The following ZHX2 variants were observed in gnomAD, a reference collection of about 807,000 sequenced individuals.
The protein encoded by ZHX2 is zinc fingers and homeoboxes 2, also known as zinc fingers and homeoboxes protein 2.
In ZHX2, 6 loss-of-function variants were observed where a neutral mutation model predicts 21.9. That is an observed-to-expected ratio of 0.27 (90% CI 0.15 to 0.54). The LOEUF (loss-of-function observed/expected upper bound fraction) is 0.54, where lower values mean the gene tolerates loss of function less well. Among genes scored for constraint, ZHX2 ranks in the 20% least tolerant of loss-of-function variants. ZHX2 has a pLI of 0.95. For synonymous variants in ZHX2, 434 were observed against 437.1 expected (o/e 0.99, Z 0.09); for missense variants, 908 against 1,090.7 (o/e 0.83, Z 2.36).
At chr8:122,922,134 G>A (rs905980066) in intron 2 of ZHX2, among the ~76,000 whole-genome samples, 1 of 152,062 alleles carries the variant, frequency 6.6e-6, no homozygotes, top group African/African-American at 2.4e-5. Context: ...GGGTGCTGAA[G>A]TTTTAGAACT....
At chr8:122,871,727 G>GAAA (rs1689968965) in intron 2 of ZHX2, among the ~76,000 whole-genome samples, 2 of 39,894 alleles carry the variant, frequency 5.0e-5, no homozygotes, top group South Asian at 8.4e-4. Context: ...CTTTCTCAGG[G>GAAA]CAAAAAAAAA....
chr8:122,824,215 G>A (rs1199619934), intron 1 of ZHX2, among the ~76,000 whole-genome samples: 1 of 152,104 alleles, frequency 6.6e-6, no homozygotes. Flanking sequence ...TTTCTTTATG[G>A]CATTAATGAC....
chr8:122,968,111 C>G (rs1813629022), intron 3 of ZHX2, among the ~76,000 whole-genome samples: 1 of 152,104 alleles, frequency 6.6e-6, no homozygotes. Flanking sequence ...CAAATCCACC[C>G]CTACACCCAC....
intron 1 of ZHX2, among the ~76,000 whole-genome samples, chr8:122,792,791 G>A (rs576174088): frequency 1.8e-3 from 273 of 152,258 alleles, no homozygotes; most frequent in South Asian, 3.7e-3. Flanking sequence ...GGTACCCAGC[G>A]TGCAAAATTT....
At chr8:122,922,023 C>T (rs547953421) in intron 2 of ZHX2, among the ~76,000 whole-genome samples, 1 of 152,246 alleles carries the variant, frequency 6.6e-6, no homozygotes, top group African/African-American at 2.4e-5. Context: ...GAAGCTGTGC[C>T]TCTTGATGAA....
chr8:122,849,797 C>T (rs746548879), intron 1 of ZHX2, among the ~76,000 whole-genome samples: 5 of 152,320 alleles, frequency 3.3e-5, no homozygotes, highest in South Asian at 2.1e-4. Flanking sequence ...TGGGGAGCCA[C>T]GATCAACCCA....
chr8:122,870,638 CAAAAAAAAAAA>C (rs59071295), intron 2 of ZHX2, among the ~76,000 whole-genome samples: 74 of 63,908 alleles, frequency 1.2e-3, no homozygotes, highest in South Asian at 3.1e-3. Context: ...GTCTCTGTCT[CAAAAAAAAAAA>C]AAAAAAAAAA....
At chr8:122,781,506 C>G (rs905600361), upstream of ZHX2, 2 of 152,180 alleles carry the variant, frequency 1.3e-5, no homozygotes, top group Non-Finnish European at 2.9e-5. The surrounding 1 kb of genome is among the most constrained non-coding windows in gnomAD (Gnocchi z 4.6). Flanking sequence ...GGGCTAGCCT[C>G]CCCCCCAGCT....
chr8:122,952,718 A>G lies in ZHX2; in HGVS notation c.1208A>G (p.His403Arg). Residue 403 changes from histidine (H) to arginine (R), a missense_variant, in exon 3 of 4, where the codon CAT becomes CGT. Coordinates refer to ENST00000314393, the MANE Select transcript of ZHX2 (RefSeq NM_014943.5). The surrounding 1 kb of genome is among the most constrained non-coding windows in gnomAD (Gnocchi z 6.9). ...ITLAVAGVTNHGQKRPLVTPQ... is the reference protein window; with the variant it reads ...ITLAVAGVTNRGQKRPLVTPQ... ...CTTGCCGTGGCAGGAGTCACCAACC[A>G]TGGCCAGAAGAGACCCTTGGTGACT... 1 of 1,613,986 alleles carries G rather than the reference A, an allele frequency of 6.2e-7. No homozygotes were observed. The highest frequency in any genetic ancestry group is 1.1e-5 in the South Asian group (1 of 91,078).
At chr8:122,908,538 T>G (rs531699283) in intron 2 of ZHX2, among the ~76,000 whole-genome samples, 20 of 152,170 alleles carry the variant, frequency 1.3e-4, no homozygotes, top group African/African-American at 4.8e-4. Context: ...TGGACCACGG[T>G]GGTGGTTGAT....
At chr8:122,879,453 C>A (rs544707457) in intron 2 of ZHX2, among the ~76,000 whole-genome samples, 350 of 151,960 alleles carry the variant, frequency 2.3e-3, no homozygotes, top group Non-Finnish European at 4.2e-3. Context: ...GATCCACCCA[C>A]CTTGGCCTCC....
rs374385913 is a variant in ZHX2 at position 122,860,156 on chromosome 8, C to T, written c.-282-3321C>T. On this transcript the variant is annotated intron_variant, in intron 1 of 3. Transcript: ENST00000314393. ...GGCAGCAGGAAGGAGACGCAGTGAGCGAAGGGGGAAGAGCTCCTTATAAAA... is the reference window on the plus strand; with the variant it reads ...GGCAGCAGGAAGGAGACGCAGTGAGTGAAGGGGGAAGAGCTCCTTATAAAA... Among the ~76,000 whole-genome samples, 141 of 152,220 alleles carry T rather than the reference C, an allele frequency of 9.3e-4. 1 individual carries two copies. The highest frequency in any genetic ancestry group is 3.0e-3 in the African/African-American group (124 of 41,518).
chr8:122,927,442 C>G (rs542799895), intron 2 of ZHX2, among the ~76,000 whole-genome samples: 1 of 152,272 alleles, frequency 6.6e-6, no homozygotes, highest in African/African-American at 2.4e-5. Context: ...TTGCAGTGAG[C>G]TAAGATCGTG....
At chr8:122,823,736 T>C (rs1818203276) in intron 1 of ZHX2, among the ~76,000 whole-genome samples, 1 of 152,232 alleles carries the variant, frequency 6.6e-6, no homozygotes. Flanking sequence ...AGATCTCTGC[T>C]CAGATATGGA....
chr8:122,799,299 C>T (rs1002021174), intron 1 of ZHX2, among the ~76,000 whole-genome samples: 1 of 152,208 alleles, frequency 6.6e-6, no homozygotes, highest in African/African-American at 2.4e-5. Flanking sequence ...GCAGCTCTTT[C>T]CTCCGTCACA....
chr8:122,962,524 G>C lies in ZHX2; in HGVS notation c.*4+8496G>C, dbSNP rs187219957. On this transcript the variant is annotated intron_variant, in intron 3 of 3. Transcript: ENST00000314393. ...CCACATTTTCTTTATCCACTTGTTG[G>C]TTGATGGGCATCTAGGCTCGTTACA... Among the ~76,000 whole-genome samples, 24 of 152,208 alleles carry C rather than the reference G, an allele frequency of 1.6e-4. 1 individual carries two copies. Among genetic ancestry groups the C allele is most frequent in the East Asian group, 7.7e-4 (4 of 5,182 alleles).
chr8:122,867,449 T>C (rs985030279), intron 2 of ZHX2, among the ~76,000 whole-genome samples: 2 of 152,248 alleles, frequency 1.3e-5, no homozygotes, highest in Non-Finnish European at 2.9e-5. Flanking sequence ...TTAAGCCATT[T>C]ACTCTCTTTG....
At chr8:122,948,478 C>T (rs2130255852) in intron 2 of ZHX2, among the ~76,000 whole-genome samples, 1 of 152,246 alleles carries the variant, frequency 6.6e-6, no homozygotes, top group Admixed American at 6.5e-5. Context: ...AATTTTATTT[C>T]ACAGGTGATA....
intron 2 of ZHX2, among the ~76,000 whole-genome samples, chr8:122,944,623 C>T (rs1294072809): frequency 6.6e-6 from 1 of 152,198 alleles, no homozygotes; most frequent in Non-Finnish European, 1.5e-5. Context: ...GGTGAGCTCT[C>T]CACGAGCCGC....
Sources: allele counts gnomAD v4.1 joint callset (sites outside exome capture counted in the v4.1 genomes callset), GRCh38; gene constraint gnomAD v4.1.1; non-coding constraint Gnocchi (gnomAD v3.1); transcripts MANE v1.5; gene names NCBI Gene and HGNC (gene_info 2026-07-23, HGNC 2026-07-21).